The following RALYL variants were observed in gnomAD, a reference collection of about 807,000 sequenced individuals.
RALYL encodes RNA-binding Raly-like protein.
A neutral mutation model predicts 35.1 loss-of-function variants in RALYL; 29 were observed. That is an observed-to-expected ratio of 0.83 (90% CI 0.61 to 1.13). The LOEUF is 1.13. Ranked by LOEUF, RALYL falls within the 50% of genes most tolerant of loss-of-function variation. The pLI, the probability that RALYL is intolerant of heterozygous loss-of-function variation, is 0.00. For synonymous variants in RALYL, 120 were observed against 127.6 expected (o/e 0.94, Z 0.40); for missense variants, 359 against 360.4 (o/e 1.00, Z 0.03).
intron 2 of RALYL, among the ~76,000 whole-genome samples, chr8:84,694,105 G>T (rs1226583096): frequency 1.3e-5 from 2 of 151,860 alleles, no homozygotes; most frequent in Non-Finnish European, 2.9e-5. Context: ...GGAAGTCCTA[G>T]CCAAAGCAAT....
At chr8:84,621,445 C>G (rs1045635908) in intron 2 of RALYL, among the ~76,000 whole-genome samples, 1 of 152,210 alleles carries the variant, frequency 6.6e-6, no homozygotes, top group African/African-American at 2.4e-5. Flanking sequence ...ATGCCTCACC[C>G]TGCTTCGGCT....
chr8:84,279,129 G>C (rs898219884), intron 1 of RALYL, among the ~76,000 whole-genome samples: 4 of 152,186 alleles, frequency 2.6e-5, no homozygotes, highest in African/African-American at 9.6e-5. Flanking sequence ...GCAGGCAAGA[G>C]AGCATGTGCA....
At chr8:84,357,787 T>G (rs1218975310) in intron 1 of RALYL, among the ~76,000 whole-genome samples, 7 of 147,884 alleles carry the variant, frequency 4.7e-5, no homozygotes, top group Admixed American at 4.1e-4. Context: ...ATTTATATAT[T>G]TATATATATT....
chr8:84,560,819 T>G (rs1244312018), intron 2 of RALYL, among the ~76,000 whole-genome samples: 2 of 151,998 alleles, frequency 1.3e-5, no homozygotes, highest in African/African-American at 4.8e-5. Flanking sequence ...AGAGGAGGTT[T>G]CAAGTCAGAG....
rs191853676 is a variant in RALYL, at chr8:84,726,774, T to C, written c.257-47805T>C. On this transcript the variant is annotated intron_variant, in intron 2 of 8. Coordinates refer to ENST00000521268, the MANE Select transcript of RALYL (RefSeq NM_173848.7). Reference sequence around the variant, plus strand: ...TCTCAGATTTTAAATGAAGAGAGCATTAAATTCACCAATTTACTTAGCAAA... The same window carrying C: ...TCTCAGATTTTAAATGAAGAGAGCACTAAATTCACCAATTTACTTAGCAAA... 2.8e-4 allele frequency among the ~76,000 whole-genome samples: 43 copies of C among 152,146 alleles called. No individual in the cohort carries two copies. The East Asian group carries it at 6.4e-3, about 23-fold the overall frequency.
At chr8:84,297,820 A>G (rs1198024470) in intron 1 of RALYL, among the ~76,000 whole-genome samples, 4 of 151,830 alleles carry the variant, frequency 2.6e-5, no homozygotes, top group East Asian at 3.9e-4. Flanking sequence ...ATTTTTTCAT[A>G]TCTTGTTGTT....
chr8:84,846,501 T>A (rs906122328), intron 4 of RALYL, among the ~76,000 whole-genome samples: 2 of 152,208 alleles, frequency 1.3e-5, no homozygotes, highest in African/African-American at 4.8e-5. Context: ...TGCCAGATTT[T>A]GGTGTTAGGA....
chr8:84,694,504 G>T (rs986217939), intron 2 of RALYL, among the ~76,000 whole-genome samples: 3 of 151,722 alleles, frequency 2.0e-5, no homozygotes, highest in Non-Finnish European at 3.0e-5. Flanking sequence ...TGGATTAAAA[G>T]AATTAATATT....
intron 7 of RALYL, among the ~76,000 whole-genome samples, chr8:84,875,115 A>C (rs1020438363): frequency 2.0e-5 from 3 of 152,154 alleles, no homozygotes; most frequent in Admixed American, 2.0e-4. Context: ...TAGATTTTAG[A>C]AAGTTTTTAA....
At chr8:84,750,683 A>G (rs1160753051) in intron 2 of RALYL, among the ~76,000 whole-genome samples, 1 of 152,122 alleles carries the variant, frequency 6.6e-6, no homozygotes, top group Non-Finnish European at 1.5e-5. Flanking sequence ...TTAATGGGTT[A>G]TTATGGAAGT....
At chr8:84,850,080 AT>A in intron 5 of RALYL, 53 bp downstream of exon 5, 1 of 1,005,128 alleles carries the variant, frequency 9.9e-7, no homozygotes, top group African/African-American at 1.7e-5. Context: ...TCTTTTAACC[AT>A]TTTGTACATT....
At position 84,428,074 on chromosome 8, in the gene RALYL, G is replaced by A. The variant is rs529909058; in HGVS notation, c.-23-101225G>A. Among the ~76,000 whole-genome samples, 6 of 123,128 alleles carry A rather than the reference G, an allele frequency of 4.9e-5. No individual in the cohort carries two copies. In the South Asian group the frequency reaches 1.3e-3, roughly 26 times the overall value. The allele number at this position is 123,128 out of a possible 152,430, so 80.8% of individuals were successfully genotyped here. On this transcript the variant is annotated intron_variant, in intron 1 of 8. Transcript: ENST00000521268. ...TGATCCGGCTCGCTTGCGCTTGCTC[G>A]CTGTCTCTCTCTCTCTCTCTCTCTC...
intron 1 of RALYL, among the ~76,000 whole-genome samples, chr8:84,247,850 G>A: frequency 6.6e-6 from 1 of 152,044 alleles, no homozygotes; most frequent in East Asian, 1.9e-4. Context: ...AAAATAAATG[G>A]TGGGACTCAG....
At chr8:84,667,983 G>A (rs1462810313) in intron 2 of RALYL, among the ~76,000 whole-genome samples, 1 of 152,070 alleles carries the variant, frequency 6.6e-6, no homozygotes, top group Non-Finnish European at 1.5e-5. Flanking sequence ...TCATGCCATA[G>A]AGACAACAGC....
intron 1 of RALYL, among the ~76,000 whole-genome samples, chr8:84,327,580 A>G (rs1222783010): frequency 6.6e-6 from 1 of 152,038 alleles, no homozygotes; most frequent in African/African-American, 2.4e-5. Context: ...TACCTTATGT[A>G]TCTATGGCTG....
chr8:84,668,949 A>ACATCCATCCATCCATC (rs529680899), intron 2 of RALYL, among the ~76,000 whole-genome samples: 1 of 150,590 alleles, frequency 6.6e-6, no homozygotes, highest in Non-Finnish European at 1.5e-5. Context: ...GTTCAACAAC[A>ACATCCATCCATCCATC]CATCCATCCA....
At chr8:84,194,824 AAG>A (rs1272876985) in intron 1 of RALYL, among the ~76,000 whole-genome samples, 1 of 152,140 alleles carries the variant, frequency 6.6e-6, no homozygotes, top group Non-Finnish European at 1.5e-5. Flanking sequence ...TTTAGGAGAA[AAG>A]AGAGGATCAG....
At position 84,261,454 on chromosome 8, in the gene RALYL, C is replaced by T. The variant is rs534805926; in HGVS notation, c.-24+77030C>T. 8.5e-5 allele frequency among the ~76,000 whole-genome samples: 13 copies of T among 152,262 alleles called. No homozygotes were observed. The East Asian group carries it at 2.5e-3, about 29-fold the overall frequency. ...GACTTCTCCCTTTTGCACTGCACTTCTCCTTGCATCTACCATATGAAGAAG... is the reference window on the plus strand; with the variant it reads ...GACTTCTCCCTTTTGCACTGCACTTTTCCTTGCATCTACCATATGAAGAAG... On this transcript the variant is annotated intron_variant, in intron 1 of 8. Coordinates refer to ENST00000521268, the MANE Select transcript of RALYL (RefSeq NM_173848.7).
In RALYL at chr8:84,680,899, G is replaced by T. The variant is rs1835328733; in HGVS notation, c.257-93680G>T. On this transcript the variant is annotated intron_variant, in intron 2 of 8. Coordinates refer to ENST00000521268, the MANE Select transcript of RALYL (RefSeq NM_173848.7). Reference sequence around the variant, plus strand: ...TTTGGCTTTTGTTGCCATTGCTTTTGGTGTTTTAGACATGAAGTCCTTGCC... The same window carrying T: ...TTTGGCTTTTGTTGCCATTGCTTTTTGTGTTTTAGACATGAAGTCCTTGCC... 2.0e-5 allele frequency among the ~76,000 whole-genome samples: 3 copies of T among 151,826 alleles called. No homozygotes were observed. In the South Asian group the frequency reaches 6.2e-4, roughly 32 times the overall value.
Sources: allele counts gnomAD v4.1 joint callset (sites outside exome capture counted in the v4.1 genomes callset), GRCh38; gene constraint gnomAD v4.1.1; transcripts MANE v1.5; gene names NCBI Gene and HGNC (gene_info 2026-07-23, HGNC 2026-07-21).